The following ADAMTSL3 variants were observed in gnomAD, a reference collection of about 807,000 sequenced individuals.
ADAMTSL3 encodes the protein ADAMTS-like protein 3.
Under a neutral mutation model 201.7 loss-of-function variants are expected in ADAMTSL3, and 128 were observed. The ratio of observed to expected loss-of-function variants is 0.63; its 90% confidence interval spans 0.55 to 0.73. The LOEUF is 0.73. ADAMTSL3 is among the 30% of genes least tolerant of loss of function. The pLI is 0.00. For missense variants in ADAMTSL3, 1,990 were observed against 2,119.6 expected (o/e 0.94, Z 1.20); for synonymous variants, 738 against 748.4 (o/e 0.99, Z 0.23).
rs1181835485 is a variant in ADAMTSL3, at chr15:84,016,517, T to C, written c.4273+18T>C. The C allele has an allele frequency of 6.3e-7, 1 of 1,598,818 alleles. No individual in the cohort carries two copies. Among genetic ancestry groups the C allele is most frequent in the Admixed American group, 1.7e-5 (1 of 59,844 alleles). ...GCCTCAAGGTCTGGGATTTTGACCT[T>C]TTCAGATTTGCTATGTGTGAGGCAT... On this transcript the variant is annotated intron_variant, in intron 25 of 29. Transcript: ENST00000286744.
intron 4 of ADAMTSL3, among the ~76,000 whole-genome samples, chr15:83,790,102 T>A (rs1308986284): frequency 6.6e-6 from 1 of 151,392 alleles, no homozygotes; most frequent in African/African-American, 2.4e-5. Context: ...ATAAAAACTC[T>A]CTCTCCTCAA....
chr15:83,913,068 T>C, intron 15 of ADAMTSL3, 24 bp from the exon 16 acceptor site: 1 of 1,608,404 alleles, frequency 6.2e-7, no homozygotes, highest in South Asian at 1.1e-5. Context: ...TGTCCTTTTC[T>C]GGTGGCTTCC....
intron 17 of ADAMTSL3, among the ~76,000 whole-genome samples, chr15:83,941,471 A>G (rs1208428724): frequency 6.6e-6 from 1 of 152,190 alleles, no homozygotes; most frequent in Non-Finnish European, 1.5e-5. Context: ...CATTTTAATG[A>G]ATAATTATTC....
intron 3 of ADAMTSL3, among the ~76,000 whole-genome samples, chr15:83,747,902 A>G (rs974036535): frequency 6.6e-6 from 1 of 150,786 alleles, no homozygotes; most frequent in African/African-American, 2.4e-5. Context: ...TGGAGCAGCC[A>G]TGAGATCTGG....
intron 19 of ADAMTSL3, among the ~76,000 whole-genome samples, chr15:83,948,510 C>T (rs939715780): frequency 2.6e-5 from 4 of 152,050 alleles, no homozygotes; most frequent in African/African-American, 7.2e-5. Flanking sequence ...CCTCAAGAAG[C>T]TCCCATCTCT....
intron 8 of ADAMTSL3, among the ~76,000 whole-genome samples, chr15:83,866,398 GCACATA>G (rs952751402): frequency 6.6e-6 from 1 of 152,164 alleles, no homozygotes; most frequent in African/African-American, 2.4e-5. Context: ...AGAAAATGTG[GCACATA>G]TACACCATGG....
At position 83,835,095 on chromosome 15, in the gene ADAMTSL3, A is replaced by G. The variant is rs529106752; in HGVS notation, c.601-2994A>G. Among the ~76,000 whole-genome samples, 37 of 152,092 alleles carry G rather than the reference A, an allele frequency of 2.4e-4. 1 individual carries two copies. The highest frequency in any genetic ancestry group is 5.5e-4 in the African/African-American group (23 of 41,492). ...TGAAAATACAAAAAATTAGCCGGGC[A>G]TGGTGGCGGGTAGCTGTAGTCCCAG... On this transcript the variant is annotated intron_variant, in intron 6 of 29. Coordinates refer to ENST00000286744, the MANE Select transcript of ADAMTSL3 (RefSeq NM_207517.3).
At position 83,887,556 on chromosome 15, in the gene ADAMTSL3, A is replaced by G. The variant is rs902690882; in HGVS notation, c.1072+2344A>G. Among the ~76,000 whole-genome samples the G allele has an allele frequency of 3.9e-5, 6 of 152,312 alleles. No homozygotes were observed. In the East Asian group the frequency reaches 1.2e-3, roughly 29 times the overall value. Reference sequence around the variant, plus strand: ...AGGCAAAGGTTCCTTTACATCTTTGAGTCACTTATGACTCTTTGGGTACTC... The same window carrying G: ...AGGCAAAGGTTCCTTTACATCTTTGGGTCACTTATGACTCTTTGGGTACTC... On this transcript the variant is annotated intron_variant, in intron 10 of 29. Transcript: ENST00000286744.
intron 3 of ADAMTSL3, among the ~76,000 whole-genome samples, chr15:83,773,236 AC>A (rs2063013830): frequency 1.3e-5 from 2 of 152,072 alleles, no homozygotes; most frequent in East Asian, 3.9e-4. Flanking sequence ...ACATGGCAAA[AC>A]CCTGTCTCTA....
In ADAMTSL3 at chr15:83,870,870, G is replaced by A. The variant is rs146531280; in HGVS notation, c.871G>A (p.Val291Ile). The A allele has an allele frequency of 4.3e-5, 69 of 1,612,974 alleles. No homozygotes were observed. The highest frequency in any genetic ancestry group is 4.5e-5 in the East Asian group (2 of 44,856). ...CTTTAACAGCCCCGGCGTCTTTCTC[G>A]TAGAAAACACAACAGTGGAATTTCA... ...HSFNSPGVFL[V>I]ENTTVEFQRG... Residue 291 changes from valine to isoleucine, a missense_variant, in exon 9 of 30, where the codon GTA (valine) becomes ATA (isoleucine). Transcript: ENST00000286744.
Position 83,943,021 on chromosome 15 carries a change from C to G in ADAMTSL3, c.2429C>G (p.Ser810Cys). The G allele has an allele frequency of 6.2e-7, 1 of 1,614,110 alleles. No homozygotes were observed. Among genetic ancestry groups the G allele is most frequent in the South Asian group, 1.1e-5 (1 of 91,082 alleles). ...DELCQGPKAS[S>C]HKSCARTDCP... Reference sequence around the variant, plus strand: ...TTGTGCCAAGGACCCAAGGCATCGTCTCACAAGTCCTGTGCCAGGACAGAC... The same window carrying G: ...TTGTGCCAAGGACCCAAGGCATCGTGTCACAAGTCCTGTGCCAGGACAGAC... Residue 810 changes from serine (S) to cysteine (C), a missense_variant, in exon 19 of 30, where the codon TCT (serine) becomes TGT (cysteine). By Grantham distance (112) the Ser-to-Cys change is moderately radical. Transcript: ENST00000286744.
chr15:83,774,318 G>T (rs1023353646), intron 4 of ADAMTSL3, among the ~76,000 whole-genome samples: 7 of 152,242 alleles, frequency 4.6e-5, no homozygotes, highest in Non-Finnish European at 8.8e-5. Context: ...TCAGATTTGG[G>T]ATATTGTTAG....
intron 4 of ADAMTSL3, among the ~76,000 whole-genome samples, chr15:83,801,868 G>C (rs1022407316): frequency 2.0e-5 from 3 of 150,692 alleles, no homozygotes; most frequent in Admixed American, 6.6e-5. Flanking sequence ...ATTCAAAAAG[G>C]CTCACCATTT....
At chr15:83,764,839 G>T (rs1943231151) in intron 3 of ADAMTSL3, among the ~76,000 whole-genome samples, 1 of 152,150 alleles carries the variant, frequency 6.6e-6, no homozygotes. Flanking sequence ...AAAATGTTGT[G>T]TGCTCAGCAT....
chr15:83,804,418 A>G (rs1414503432), intron 4 of ADAMTSL3, among the ~76,000 whole-genome samples: 2 of 152,176 alleles, frequency 1.3e-5, no homozygotes, highest in Non-Finnish European at 2.9e-5. Flanking sequence ...GAGTACTACT[A>G]TTAACTAAAG....
intron 7 of ADAMTSL3, among the ~76,000 whole-genome samples, chr15:83,849,366 A>T (rs1414951569): frequency 6.6e-6 from 1 of 152,128 alleles, no homozygotes; most frequent in South Asian, 2.1e-4. Flanking sequence ...ACCTCAAGTG[A>T]TCTCCTACCT....
At chr15:83,715,056 G>A (rs2061998025) in intron 3 of ADAMTSL3, among the ~76,000 whole-genome samples, 1 of 151,978 alleles carries the variant, frequency 6.6e-6, no homozygotes, top group African/African-American at 2.4e-5. Flanking sequence ...GAAGGTGGGT[G>A]TGGTCAAACA....
chr15:83,664,673 A>G (rs1030609603), intron 2 of ADAMTSL3, among the ~76,000 whole-genome samples: 6 of 152,200 alleles, frequency 3.9e-5, no homozygotes, highest in African/African-American at 1.4e-4. Context: ...GGAGTATGAG[A>G]TAATGATGAA....
intron 15 of ADAMTSL3, among the ~76,000 whole-genome samples, chr15:83,908,212 C>G (rs1049320604): frequency 2.0e-5 from 3 of 152,118 alleles, no homozygotes; most frequent in African/African-American, 7.2e-5. Context: ...CAGATGAGGC[C>G]GTGTACAATA....
Sources: allele counts gnomAD v4.1 joint callset (sites outside exome capture counted in the v4.1 genomes callset), GRCh38; gene constraint gnomAD v4.1.1; transcripts MANE v1.5; gene names NCBI Gene and HGNC (gene_info 2026-07-23, HGNC 2026-07-21).